PRICKLE2: variants seen among roughly 807,000 people sequenced by gnomAD.
PRICKLE2 encodes the protein prickle-like protein 2.
A neutral mutation model predicts 81.4 loss-of-function variants in PRICKLE2; 21 were observed. The observed-to-expected ratio is 0.26, with a 90% CI of 0.18 to 0.37. PRICKLE2 has a LOEUF of 0.37. PRICKLE2 is among the 10% of genes least tolerant of loss of function. The pLI is 1.00. For synonymous variants in PRICKLE2, 456 were observed against 421.5 expected (o/e 1.08, Z -1.00); for missense variants, 940 against 1,109.0 (o/e 0.85, Z 2.16).
At position 64,098,296 on chromosome 3, in the gene PRICKLE2, A is replaced by G. The variant is rs1275385914; in HGVS notation, c.*755T>C. 1 of 152,454 alleles carries G rather than the reference A, an allele frequency of 6.6e-6. No individual in the cohort carries two copies. The highest frequency in any genetic ancestry group is 1.5e-5 in the Non-Finnish European group (1 of 68,014). The allele number at this position is 152,454 out of a possible 1,614,324, so 9.4% of individuals were successfully genotyped here. ...TGCAATTTAAAAAAAAATTACTACC[A>G]CTTTGTAGAAAATAAATTCTACTGA... On this transcript the variant is annotated 3_prime_UTR_variant, in exon 8 of 8. Coordinates refer to ENST00000638394, the MANE Select transcript of PRICKLE2 (RefSeq NM_198859.4).
At chr3:64,134,441 C>A (rs2077245821) in intron 7 of PRICKLE2, among the ~76,000 whole-genome samples, 1 of 152,182 alleles carries the variant, frequency 6.6e-6, no homozygotes, top group South Asian at 2.1e-4. Flanking sequence ...CTAGGCCAGG[C>A]TTTCTCAGTC....
chr3:64,185,542 GTGGAACTCATTTTCTT>G (rs2107087650), intron 2 of PRICKLE2, among the ~76,000 whole-genome samples: 1 of 152,336 alleles, frequency 6.6e-6, no homozygotes, highest in Non-Finnish European at 1.5e-5. Context: ...GAGCCAGTCT[GTGGAACTCATTTTCTT>G]GTGCCATCCA....
chr3:64,203,475 A>T (rs1034932001), intron 1 of PRICKLE2, among the ~76,000 whole-genome samples: 3 of 152,194 alleles, frequency 2.0e-5, no homozygotes, highest in South Asian at 2.1e-4. Flanking sequence ...AAATGTAGAA[A>T]ACTTTTACCA....
chr3:64,103,938 C>T (rs1042606441), intron 7 of PRICKLE2, among the ~76,000 whole-genome samples: 11 of 152,166 alleles, frequency 7.2e-5, no homozygotes, highest in Admixed American at 4.6e-4. Flanking sequence ...CGAGATTGTG[C>T]AACTGTGCTC....
At chr3:64,179,143 C>T (rs1020022370) in intron 2 of PRICKLE2, among the ~76,000 whole-genome samples, 4 of 151,896 alleles carry the variant, frequency 2.6e-5, no homozygotes, top group African/African-American at 9.7e-5. Flanking sequence ...ATGGCACGAT[C>T]TCGGCTCACC....
intron 2 of PRICKLE2, among the ~76,000 whole-genome samples, chr3:64,180,541 A>AT (rs4018890): frequency 0.21 from 31,883 of 149,734 alleles, 3,702 homozygotes; most frequent in African/African-American, 0.28. Flanking sequence ...TTTGAGAATG[A>AT]TTTTTTTTTT....
chr3:64,236,601 G>A (rs1169552020), intron 2 of PRICKLE2, among the ~76,000 whole-genome samples: 1 of 152,124 alleles, frequency 6.6e-6, no homozygotes, highest in Non-Finnish European at 1.5e-5. Flanking sequence ...TATTCCATAA[G>A]ACCTATAAAT....
intron 2 of PRICKLE2, among the ~76,000 whole-genome samples, chr3:64,170,687 A>G (rs907341920): frequency 2.0e-5 from 3 of 146,388 alleles, no homozygotes; most frequent in Non-Finnish European, 3.0e-5. Context: ...AAGGTAGACC[A>G]TGCCTCTAGA....
At chr3:64,265,802 G>A (rs893496149) in intron 2 of PRICKLE2, among the ~76,000 whole-genome samples, 1 of 152,160 alleles carries the variant, frequency 6.6e-6, no homozygotes, top group Non-Finnish European at 1.5e-5. Flanking sequence ...GTGTCCCTAA[G>A]GATAACAATT....
At chr3:64,237,932 C>T (rs1182688402) in intron 2 of PRICKLE2, among the ~76,000 whole-genome samples, 1 of 152,156 alleles carries the variant, frequency 6.6e-6, no homozygotes, top group African/African-American at 2.4e-5. Context: ...CTGCTTTTCA[C>T]TCTTCCACCC....
chr3:64,154,582 C>A (rs2077598221), intron 5 of PRICKLE2: 2 of 151,716 alleles, frequency 1.3e-5, no homozygotes, highest in Non-Finnish European at 2.9e-5. Flanking sequence ...GTTTAAAGAG[C>A]TAGGGGCAAA....
chr3:64,216,571 T>G (rs62251781), intron 1 of PRICKLE2, among the ~76,000 whole-genome samples: 8,037 of 152,340 alleles, frequency 0.053, 309 homozygotes, highest in Non-Finnish European at 0.081. Flanking sequence ...TTTAGGATGC[T>G]GCATCTTAGC....
chr3:64,215,685 G>A (rs1407598346), intron 1 of PRICKLE2, among the ~76,000 whole-genome samples: 2 of 152,158 alleles, frequency 1.3e-5, no homozygotes, highest in Non-Finnish European at 2.9e-5. Context: ...ATGACGAGTA[G>A]TGTTTGGCCA....
chr3:64,209,370 A>C (rs1411622042), intron 1 of PRICKLE2, among the ~76,000 whole-genome samples: 1 of 151,622 alleles, frequency 6.6e-6, no homozygotes, highest in Non-Finnish European at 1.5e-5. Context: ...ATATCCGTAC[A>C]TACATCCATA....
chr3:64,255,381 C>T (rs2079511330), intron 2 of PRICKLE2, among the ~76,000 whole-genome samples: 1 of 152,320 alleles, frequency 6.6e-6, no homozygotes, highest in East Asian at 1.9e-4. Flanking sequence ...TCAGTTTTTA[C>T]AGGGCCCTCC....
intron 2 of PRICKLE2, among the ~76,000 whole-genome samples, chr3:64,184,019 G>C (rs1313763005): frequency 6.6e-6 from 1 of 152,084 alleles, no homozygotes; most frequent in Admixed American, 6.6e-5. Flanking sequence ...TAAATCCAAG[G>C]TTTGGGCTTA....
chr3:64,138,933 G>T lies in PRICKLE2; in HGVS notation c.1660+7897C>A, dbSNP rs142577252. 2.8e-3 allele frequency among the ~76,000 whole-genome samples: 427 copies of T among 152,370 alleles called. 5 individuals carry two copies. Among genetic ancestry groups the T allele is most frequent in the Middle Eastern group, 0.01 (3 of 294 alleles). On this transcript the variant is annotated intron_variant, in intron 7 of 7. Transcript: ENST00000638394. ...AATAAAGAAATTGGGTTAGAGGATG[G>T]TTATCCAAGTTATGCAGAAGAATAG...
intron 7 of PRICKLE2, among the ~76,000 whole-genome samples, chr3:64,133,214 T>C (rs2077223123): frequency 6.6e-6 from 1 of 152,170 alleles, no homozygotes; most frequent in Non-Finnish European, 1.5e-5. Flanking sequence ...TAGGTAGTCC[T>C]AACTCCTGAA....
chr3:64,256,744 G>A (rs948682994), intron 2 of PRICKLE2, among the ~76,000 whole-genome samples: 3 of 152,084 alleles, frequency 2.0e-5, no homozygotes, highest in African/African-American at 7.2e-5. Flanking sequence ...CCCCTTCCAA[G>A]CATCTCCACC....
Sources: allele counts gnomAD v4.1 joint callset (sites outside exome capture counted in the v4.1 genomes callset), GRCh38; gene constraint gnomAD v4.1.1; transcripts MANE v1.5; gene names NCBI Gene and HGNC (gene_info 2026-07-23, HGNC 2026-07-21).